The following MTUS2 variants were observed in gnomAD, a reference collection of about 807,000 sequenced individuals.
MTUS2 encodes the protein microtubule associated scaffold protein 2.
MTUS2 carries 40 observed loss-of-function variants against 114.1 expected under a neutral mutation model. The observed-to-expected ratio is 0.35, with a 90% CI of 0.27 to 0.46. The LOEUF (loss-of-function observed/expected upper bound fraction) is 0.46, where lower values mean the gene tolerates loss of function less well. Ranked by LOEUF, MTUS2 falls within the 20% of genes least tolerant of loss-of-function variation. The pLI is 1.00. For missense variants in MTUS2, 1,679 were observed against 1,705.4 expected (o/e 0.98, Z 0.27); for synonymous variants, 688 against 672.0 (o/e 1.02, Z -0.37).
intron 8 of MTUS2, among the ~76,000 whole-genome samples, chr13:29,423,598 A>G (rs1876281634): frequency 6.6e-6 from 1 of 152,236 alleles, no homozygotes; most frequent in Non-Finnish European, 1.5e-5. Context: ...ATGTCAAAAT[A>G]AAAACATGAG....
At chr13:29,095,114 C>G (rs1890123471) in intron 4 of MTUS2, among the ~76,000 whole-genome samples, 1 of 151,992 alleles carries the variant, frequency 6.6e-6, no homozygotes, top group Non-Finnish European at 1.5e-5. Flanking sequence ...TCTATGTGCA[C>G]TTGAGAAAAA....
chr13:29,456,303 T>G (rs1374052876), intron 9 of MTUS2, among the ~76,000 whole-genome samples: 2 of 151,782 alleles, frequency 1.3e-5, no homozygotes, highest in Non-Finnish European at 2.9e-5. Flanking sequence ...TATTAGCCAA[T>G]CAGAAGAACA....
At chr13:29,170,707 T>C (rs1340902036) in intron 5 of MTUS2, among the ~76,000 whole-genome samples, 2 of 152,172 alleles carry the variant, frequency 1.3e-5, no homozygotes, top group Non-Finnish European at 2.9e-5. Context: ...TAAATGAGTC[T>C]CACACCTGGT....
chr13:29,285,103 A>G, intron 6 of MTUS2, among the ~76,000 whole-genome samples: 1 of 151,778 alleles, frequency 6.6e-6, no homozygotes, highest in Non-Finnish European at 1.5e-5. Context: ...GAAAAAAAAA[A>G]GGAAAAACTG....
chr13:29,352,568 G>T (rs1277342794), intron 7 of MTUS2, among the ~76,000 whole-genome samples: 1 of 152,098 alleles, frequency 6.6e-6, no homozygotes, highest in Non-Finnish European at 1.5e-5. Flanking sequence ...TTGTTTTATG[G>T]ATTTAATCTA....
At chr13:29,429,007 T>C (rs2138631486) in intron 8 of MTUS2, 1 of 1,066,734 alleles carries the variant, frequency 9.4e-7, no homozygotes, top group East Asian at 2.4e-5. Flanking sequence ...GTGCGCTTTG[T>C]TGGTGAACAG....
At chr13:28,827,429 C>T (rs917183939) in intron 1 of MTUS2, among the ~76,000 whole-genome samples, 1 of 152,108 alleles carries the variant, frequency 6.6e-6, no homozygotes, top group Non-Finnish European at 1.5e-5. Context: ...CCTCTACCCC[C>T]AAACTTTATA....
At chr13:28,964,464 C>A (rs1383371412) in intron 2 of MTUS2, among the ~76,000 whole-genome samples, 3 of 152,110 alleles carry the variant, frequency 2.0e-5, no homozygotes, top group Admixed American at 6.5e-5. Context: ...ACACCACCAG[C>A]AGCAACGCAT....
At chr13:28,910,744 A>T (rs1484161013) in intron 2 of MTUS2, among the ~76,000 whole-genome samples, 1 of 151,632 alleles carries the variant, frequency 6.6e-6, no homozygotes, top group Non-Finnish European at 1.5e-5. Context: ...GTATTCCATA[A>T]TGTATATGTA....
intron 8 of MTUS2, among the ~76,000 whole-genome samples, chr13:29,433,895 C>T (rs1004332597): frequency 6.6e-6 from 1 of 152,102 alleles, no homozygotes; most frequent in African/African-American, 2.4e-5. Flanking sequence ...TTTAAATTCA[C>T]AATTTTAAAA....
At chr13:28,938,176 A>C (rs1882015517) in intron 2 of MTUS2, among the ~76,000 whole-genome samples, 1 of 152,184 alleles carries the variant, frequency 6.6e-6, no homozygotes, top group Non-Finnish European at 1.5e-5. Flanking sequence ...TGAGGTCAGG[A>C]GATCGAGACC....
intron 8 of MTUS2, among the ~76,000 whole-genome samples, chr13:29,434,463 A>T (rs1243408493): frequency 1.3e-5 from 2 of 152,210 alleles, no homozygotes; most frequent in Non-Finnish European, 2.9e-5. Flanking sequence ...AAGCTTCTTG[A>T]GAGCAGAAAT....
intron 5 of MTUS2, among the ~76,000 whole-genome samples, chr13:29,187,826 C>G (rs1483580462): frequency 6.6e-6 from 1 of 152,132 alleles, no homozygotes; most frequent in Non-Finnish European, 1.5e-5. Context: ...TCCTCACTGC[C>G]CCATAAACAT....
intron 10 of MTUS2, among the ~76,000 whole-genome samples, chr13:29,483,232 C>T (rs1344126632): frequency 1.3e-5 from 2 of 152,224 alleles, no homozygotes; most frequent in Non-Finnish European, 2.9e-5. Flanking sequence ...GCAGCAGGGG[C>T]AGGTGCTGCT....
At chr13:29,319,205 A>G (rs757600757) in intron 6 of MTUS2, among the ~76,000 whole-genome samples, 46 of 152,154 alleles carry the variant, frequency 3.0e-4, no homozygotes, top group African/African-American at 7.2e-4. Flanking sequence ...TTTTGGTTTC[A>G]TATTAGAGAA....
intron 4 of MTUS2, among the ~76,000 whole-genome samples, chr13:29,036,277 T>G (rs1312529756): frequency 6.6e-6 from 1 of 151,236 alleles, no homozygotes; most frequent in Non-Finnish European, 1.5e-5. Context: ...CGGAAGGGAG[T>G]GAGAGTCACC....
chr13:28,824,176 T>C (rs779297459), intron 1 of MTUS2, among the ~76,000 whole-genome samples: 11 of 152,188 alleles, frequency 7.2e-5, no homozygotes, highest in Non-Finnish European at 1.2e-4. Context: ...ATTTATCTTT[T>C]GTTCTAGCCC....
intron 2 of MTUS2, among the ~76,000 whole-genome samples, chr13:28,982,557 G>C (rs1438276715): frequency 2.0e-5 from 3 of 152,132 alleles, no homozygotes; most frequent in African/African-American, 7.2e-5. Context: ...GACCGAAACA[G>C]GTATTTGTAG....
chr13:28,949,173 G>GA (rs1321467265), intron 2 of MTUS2, among the ~76,000 whole-genome samples: 1 of 152,182 alleles, frequency 6.6e-6, no homozygotes, highest in Non-Finnish European at 1.5e-5. Context: ...CCTCCTTAGG[G>GA]AAAATAAACA....
Sources: allele counts gnomAD v4.1 joint callset (sites outside exome capture counted in the v4.1 genomes callset), GRCh38; gene constraint gnomAD v4.1.1; transcripts MANE v1.5; gene names NCBI Gene and HGNC (gene_info 2026-07-23, HGNC 2026-07-21).